Variants in PIEZO2 observed in about 807,000 individuals in gnomAD.
The protein encoded by PIEZO2 is piezo type mechanosensitive ion channel component 2.
A neutral mutation model predicts 337.3 loss-of-function variants in PIEZO2; 172 were observed. The ratio of observed to expected loss-of-function variants is 0.51; its 90% CI spans 0.45 to 0.58. PIEZO2 has a LOEUF of 0.58. PIEZO2 is among the 20% of genes least tolerant of loss of function. PIEZO2 has a pLI of 0.00. For synonymous variants in PIEZO2, 1,251 were observed against 1,228.5 expected, an observed-to-expected ratio of 1.02 and a Z score of -0.38; for missense variants, 3,028 against 3,391.3, an observed-to-expected ratio of 0.89 and a Z score of 2.66.
rs534860692 is a variant in PIEZO2 at position 10,677,627 on chromosome 18, T to C, written c.8081+120A>G. ...CAAAATGGGGCCTCCAAATAGAAAT[T>C]AACTTTGTGTTACCAAAGAATGAAG... On this transcript the variant is annotated intron_variant, in intron 53 of 55. Transcript: ENST00000674853. The surrounding 1 kb of genome is among the most constrained non-coding windows in gnomAD (Gnocchi z 4.1). 451 of 1,261,064 alleles carry C rather than the reference T, an allele frequency of 3.6e-4. 5 individuals are homozygous for C. In the South Asian group the frequency reaches 5.6e-3, roughly 16 times the overall value. 78.1% of individuals were successfully genotyped at this position (1,261,064 alleles called of 1,614,324 possible).
At position 10,791,290 on chromosome 18, in the gene PIEZO2, C is replaced by T. The variant is rs1249367360; in HGVS notation, c.1793G>A (p.Arg598Lys). ...AGCTTTTTGCTCTGTGAGGTGCTGC[C>T]TCAGCAGTAGCCAAAAAGTAATGGT... ...LFTITFWLLLRQHLTEQKALQ... is the reference protein window; with the variant it reads ...LFTITFWLLLKQHLTEQKALQ... The change falls in exon 14 of 56, where the codon AGG becomes AAG. Residue 598 changes from arginine to lysine, a missense_variant. By Grantham distance (26) the Arg-to-Lys change is conservative (BLOSUM62 2). Around this residue, in one of 5 missense-constraint regions of PIEZO2, gnomAD observed 1,925 missense variants for 2,051.9 expected, o/e 0.94. Transcript: ENST00000674853. 6.5e-7 allele frequency: 1 copy of T among 1,528,688 alleles called. No individual in the cohort carries two copies. 94.7% of individuals were successfully genotyped at this position (1,528,688 alleles called of 1,614,324 possible).
At chr18:10,965,993 T>C (rs926718925) in intron 3 of PIEZO2, among the ~76,000 whole-genome samples, 1 of 152,222 alleles carries the variant, frequency 6.6e-6, no homozygotes, top group Non-Finnish European at 1.5e-5. Flanking sequence ...AAATGTTTGC[T>C]CTGAACGGAT....
At chr18:11,108,125 C>A (rs757226742) in intron 1 of PIEZO2, among the ~76,000 whole-genome samples, 8 of 152,096 alleles carry the variant, frequency 5.3e-5, no homozygotes, top group Non-Finnish European at 1.0e-4. Context: ...CACTGGAACT[C>A]TACATCCAGT....
chr18:11,021,951 C>T lies in PIEZO2; in HGVS notation c.161-42291G>A, dbSNP rs1427096844. On this transcript the variant is annotated intron_variant, in intron 2 of 55. Coordinates refer to ENST00000674853, the MANE Select transcript of PIEZO2 (RefSeq NM_001378183.1). This position sits in a 1 kb window ranked among gnomAD's most constrained non-coding sequence, Gnocchi z 4.7. Reference sequence around the variant, plus strand: ...CCCTGTGCCCCTTGCAGAGTCACCACGTGTGAAGGGGATTTGCAGGGGGGT... The same window carrying T: ...CCCTGTGCCCCTTGCAGAGTCACCATGTGTGAAGGGGATTTGCAGGGGGGT... Among the ~76,000 whole-genome samples, 4 of 152,158 alleles carry T rather than the reference C, an allele frequency of 2.6e-5. No individual in the cohort carries two copies. In the South Asian group the frequency reaches 8.3e-4, roughly 32 times the overall value.
In PIEZO2 at chr18:10,847,544, G is replaced by A. The variant is rs7234277; in HGVS notation, c.917+7809C>T. Among the ~76,000 whole-genome samples, 2,848 of 152,238 alleles carry A rather than the reference G, an allele frequency of 0.019. 58 individuals carry two copies. The highest frequency in any genetic ancestry group is 0.048 in the African/African-American group (1,990 of 41,526). ...TGCTTTTGTACCCAGTACAGGTGTCGTGGCTGAGTAGGACACCTCATTGCC... is the reference window on the plus strand; with the variant it reads ...TGCTTTTGTACCCAGTACAGGTGTCATGGCTGAGTAGGACACCTCATTGCC... On this transcript the variant is annotated intron_variant, in intron 7 of 55. Coordinates refer to ENST00000674853, the MANE Select transcript of PIEZO2 (RefSeq NM_001378183.1). This position sits in a 1 kb window ranked among gnomAD's most constrained non-coding sequence, Gnocchi z 5.7.
rs534971998 is a variant in PIEZO2, at chr18:10,895,659, A to G, written c.329+15527T>C. On this transcript the variant is annotated intron_variant, in intron 4 of 55. Transcript: ENST00000674853. This position sits in a 1 kb window ranked among gnomAD's most constrained non-coding sequence, Gnocchi z 4.8. The stretch of plus-strand genomic sequence containing the variant: ...GCATTGGAGTGATCCTCAGTTTAAC[A>G]CCTGGGAAATGGGGCGCTCCCTCTG... Among the ~76,000 whole-genome samples the G allele has an allele frequency of 5.9e-5, 9 of 152,152 alleles. No individual in the cohort carries two copies. In the East Asian group the frequency reaches 1.5e-3, roughly 26 times the overall value.
At chr18:10,752,206 T>A (rs2037675242) in intron 28 of PIEZO2, among the ~76,000 whole-genome samples, 1 of 152,192 alleles carries the variant, frequency 6.6e-6, no homozygotes, top group African/African-American at 2.4e-5. Flanking sequence ...GCTCATTTTA[T>A]CTCACACTTC....
At chr18:11,020,682 T>G (rs1445359381) in intron 2 of PIEZO2, among the ~76,000 whole-genome samples, 2 of 152,158 alleles carry the variant, frequency 1.3e-5, no homozygotes, top group Non-Finnish European at 2.9e-5. Context: ...AGAAGTTAAG[T>G]GGAAGGGACA....
rs1338267898 is a variant in PIEZO2, at chr18:11,066,210, C to T, written c.77G>A (p.Arg26Gln). 2.6e-6 allele frequency: 4 copies of T among 1,533,696 alleles called. No individual in the cohort carries two copies. The highest frequency in any genetic ancestry group is 2.4e-5 in the South Asian group (2 of 83,974). Reference protein sequence around the residue: ...PICLAVACAFRYNGLSFVYLI... With the variant: ...PICLAVACAFQYNGLSFVYLI... Reference sequence around the variant, plus strand: ...GTAGACAAAGGAGAGCCCATTGTATCGGAATGCACATGCTGTGGGTGGGAA... The same window carrying T: ...GTAGACAAAGGAGAGCCCATTGTATTGGAATGCACATGCTGTGGGTGGGAA... Residue 26 changes from arginine (R) to glutamine (Q), a missense_variant, in exon 2 of 56, where the codon CGA becomes CAA. Arg to Gln is a conservative substitution (Grantham distance 43, BLOSUM62 1). Coordinates refer to ENST00000674853, the MANE Select transcript of PIEZO2 (RefSeq NM_001378183.1).
chr18:10,834,998 C>G lies in PIEZO2; in HGVS notation c.917+20355G>C, dbSNP rs1354179101. 1.3e-5 allele frequency among the ~76,000 whole-genome samples: 2 copies of G among 152,146 alleles called. No individual in the cohort carries two copies. The highest frequency in any genetic ancestry group is 6.5e-5 in the Admixed American group (1 of 15,276). On this transcript the variant is annotated intron_variant, in intron 7 of 55. Transcript: ENST00000674853. The surrounding 1 kb of genome is among the most constrained non-coding windows in gnomAD (Gnocchi z 4.5). ...GGGCGATTAGGTCACAAGGGAGAAG[C>G]CCTCATGAAAGGGATCTGTGCCCTT...
chr18:10,700,216 T>C (rs778995068), intron 43 of PIEZO2, among the ~76,000 whole-genome samples: 63 of 152,192 alleles, frequency 4.1e-4, no homozygotes, highest in Non-Finnish European at 4.3e-4. Flanking sequence ...TATTTACTTG[T>C]TTGCCAATTC....
chr18:10,860,578 C>G (rs1406163557), intron 5 of PIEZO2, among the ~76,000 whole-genome samples: 2 of 152,162 alleles, frequency 1.3e-5, no homozygotes, highest in African/African-American at 2.4e-5. Context: ...GCTTCTTTCC[C>G]CATCACAACA....
chr18:10,737,298 C>CAAAAAAA (rs962564265), intron 33 of PIEZO2, among the ~76,000 whole-genome samples: 2 of 104,574 alleles, frequency 1.9e-5, no homozygotes, highest in African/African-American at 8.2e-5. Flanking sequence ...AAAAAAAAAA[C>CAAAAAAA]AAAAAAACAC....
rs1005919773 is a variant in PIEZO2 at position 10,673,142 on chromosome 18, C to T, written c.8162-269G>A. Among the ~76,000 whole-genome samples the T allele has an allele frequency of 1.1e-4, 17 of 152,118 alleles. No individual in the cohort carries two copies. ...CACAGGGCAAAAGTAGAGGATCCACCACCTGAGCAGCTGAGCTGATAATCC... is the reference window on the plus strand; with the variant it reads ...CACAGGGCAAAAGTAGAGGATCCACTACCTGAGCAGCTGAGCTGATAATCC... On this transcript the variant is annotated intron_variant, in intron 54 of 55. Coordinates refer to ENST00000674853, the MANE Select transcript of PIEZO2 (RefSeq NM_001378183.1). This position sits in a 1 kb window ranked among gnomAD's most constrained non-coding sequence, Gnocchi z 4.8.
Position 10,828,945 on chromosome 18 carries a change from G to A in PIEZO2, c.918-21671C>T, listed in dbSNP as rs376318399. Among the ~76,000 whole-genome samples the A allele has an allele frequency of 5.9e-5, 9 of 152,124 alleles. No individual in the cohort carries two copies. Among genetic ancestry groups the A allele is most frequent in the Admixed American group, 3.3e-4 (5 of 15,268 alleles). ...CCTCCAGGAAGCCTTTCCTCAGCAT[G>A]TCATGTCTTCATTGGGCTCTCTCCT... is the stretch of plus-strand genomic sequence containing the variant. On this transcript the variant is annotated intron_variant, in intron 7 of 55. Coordinates refer to ENST00000674853, the MANE Select transcript of PIEZO2 (RefSeq NM_001378183.1). The surrounding 1 kb of genome is among the most constrained non-coding windows in gnomAD (Gnocchi z 4.1).
intron 2 of PIEZO2, among the ~76,000 whole-genome samples, chr18:11,017,180 G>A (rs1017183533): frequency 7.2e-5 from 11 of 152,128 alleles, no homozygotes; most frequent in Non-Finnish European, 1.5e-5. Context: ...TGACCTCTAC[G>A]GTCAAAAATG....
At chr18:10,977,998 A>T (rs142320599) in intron 3 of PIEZO2, among the ~76,000 whole-genome samples, 82 of 152,218 alleles carry the variant, frequency 5.4e-4, no homozygotes, top group Middle Eastern at 3.4e-3. Context: ...GACAGTGGTG[A>T]TAGCTGCACA....
intron 21 of PIEZO2, among the ~76,000 whole-genome samples, chr18:10,769,002 A>C (rs896515792): frequency 1.3e-5 from 2 of 152,166 alleles, no homozygotes; most frequent in Non-Finnish European, 2.9e-5. Flanking sequence ...GCAGCTTCTC[A>C]TGAATCAGAA....
chr18:10,800,315 T>C, intron 11 of PIEZO2, 22 bp downstream of exon 11: 1 of 1,515,650 alleles, frequency 6.6e-7, no homozygotes, highest in Non-Finnish European at 8.8e-7. Flanking sequence ...AATGCGACCC[T>C]GAGTGCAGGG....
Sources: gnomAD v4.1 joint callset for allele counts (sites outside exome capture counted in the v4.1 genomes callset) on GRCh38, gnomAD v4.1.1 for gene constraint, gnomAD v4.1.1 regional missense constraint, Gnocchi (gnomAD v3.1) non-coding constraint, MANE v1.5 for transcripts, NCBI Gene and HGNC (gene_info 2026-07-23, HGNC 2026-07-21) for gene names.